The following STMP1 variants were observed in gnomAD, a reference collection of about 807,000 sequenced individuals.
STMP1 encodes the protein short transmembrane mitochondrial protein 1.
STMP1 carries 7 observed loss-of-function variants against 7.0 expected under a neutral mutation model. The ratio of observed to expected loss-of-function variants is 1.01; its 90% CI spans 0.57 to 1.89. The LOEUF (loss-of-function observed/expected upper bound fraction) is 1.89. Among genes scored for constraint, STMP1 ranks in the 40% most tolerant of loss-of-function variants. The probability of loss-of-function intolerance (pLI) is 0.00; values close to 1 mark genes in which losing one functional copy is unlikely to be tolerated. For synonymous variants in STMP1, 19 were observed against 18.4 expected, an observed-to-expected ratio of 1.03 and a Z score of -0.08; for missense variants, 45 against 53.0, an observed-to-expected ratio of 0.85 and a Z score of 0.47.
chr7:135,664,186 C>T (rs924535942), intron 1 of STMP1, among the ~76,000 whole-genome samples: 25 of 152,144 alleles, frequency 1.6e-4, no homozygotes, highest in Non-Finnish European at 7.3e-5. Flanking sequence ...AAAGCGGTAT[C>T]ACTTAGCTCC....
rs572528743 is a variant in STMP1 at position 135,674,127 on chromosome 7, A to G, written c.106A>G (p.Lys36Glu). The G allele has an allele frequency of 5.2e-5, 80 of 1,551,074 alleles. No individual in the cohort carries two copies. The South Asian group carries it at 8.2e-4, about 16-fold the overall frequency. ...GGCTAAAAAACTTGAAGAAATTAAAAAGGACTTGGATGCCAAGAAGAAACC... is the reference window on the plus strand; with the variant it reads ...GGCTAAAAAACTTGAAGAAATTAAAGAGGACTTGGATGCCAAGAAGAAACC... ...NLAKKLEEIK[K>E]DLDAKKKPPS... Residue 36 changes from lysine (K) to glutamate (E), a missense_variant, in exon 3 of 3, where the codon AAG (lysine) becomes GAG (glutamate). Physicochemically the swap from Lys to Glu is moderately conservative, Grantham distance 56 (BLOSUM62 1). Coordinates refer to ENST00000507606, the MANE Select transcript of STMP1 (RefSeq NM_001130929.2).
intron 1 of STMP1, among the ~76,000 whole-genome samples, chr7:135,667,192 C>T (rs1795303820): frequency 6.6e-6 from 1 of 152,114 alleles, no homozygotes; most frequent in South Asian, 2.1e-4. Context: ...ATCATTTGTC[C>T]ATTTTTATTT....
chr7:135,673,214 G>A (rs1362346143), intron 2 of STMP1: 3 of 193,730 alleles, frequency 1.5e-5, no homozygotes, highest in Non-Finnish European at 3.2e-5. Context: ...TGGGTAGGGG[G>A]ACTGAAAAAT....
Position 135,662,523 on chromosome 7 carries a change from C to A in STMP1, c.-57C>A. On this transcript the variant is annotated 5_prime_UTR_variant, in exon 1 of 3. Coordinates refer to ENST00000507606, the MANE Select transcript of STMP1 (RefSeq NM_001130929.2). Reference sequence around the variant, plus strand: ...CCGCGCATGGGGAGGTAGGCTCGGACCGGCCCGCGGAGCTGCTGCAGTCCT... The same window carrying A: ...CCGCGCATGGGGAGGTAGGCTCGGAACGGCCCGCGGAGCTGCTGCAGTCCT... 1.3e-6 allele frequency: 2 copies of A among 1,529,764 alleles called. No individual in the cohort carries two copies. Among genetic ancestry groups the A allele is most frequent in the South Asian group, 1.2e-5 (1 of 82,832 alleles). The allele number at this position is 1,529,764 out of a possible 1,614,324, so 94.8% of individuals were successfully genotyped here.
chr7:135,666,026 G>A (rs12535690), intron 1 of STMP1, among the ~76,000 whole-genome samples: 4,337 of 150,416 alleles, frequency 0.029, 87 homozygotes, highest in Middle Eastern at 0.1. Flanking sequence ...CTCAGCCTCC[G>A]GGTTCAAGCG....
rs3800761 is a variant in STMP1, at chr7:135,662,716, C to A, written c.15+122C>A. On this transcript the variant is annotated intron_variant, in intron 1 of 2. Transcript: ENST00000507606. ...GGCGTGGGTCCAGCGGTCCCTTCGT[C>A]CCCCGCGCCTGGTCGTCGCCTCGCA... The A allele has an allele frequency of 9.3e-6, 11 of 1,180,600 alleles. No homozygotes were observed. In the East Asian group the frequency reaches 3.0e-4, roughly 32 times the overall value. The allele number at this position is 1,180,600 out of a possible 1,614,324, so 73.1% of individuals were successfully genotyped here.
intron 1 of STMP1, among the ~76,000 whole-genome samples, chr7:135,663,374 C>T (rs1795256805): frequency 1.3e-5 from 2 of 152,062 alleles, no homozygotes; most frequent in Admixed American, 1.3e-4. Context: ...GAGACGGAGT[C>T]TCGCTGTGTC....
intron 1 of STMP1, among the ~76,000 whole-genome samples, chr7:135,672,056 T>C (rs1199239745): frequency 6.6e-6 from 1 of 152,218 alleles, no homozygotes; most frequent in Non-Finnish European, 1.5e-5. Flanking sequence ...CTCAGCTCAC[T>C]GTAACCTCTG....
intron 1 of STMP1, among the ~76,000 whole-genome samples, chr7:135,666,015 C>T (rs1268874913): frequency 6.6e-6 from 1 of 151,764 alleles, no homozygotes; most frequent in Non-Finnish European, 1.5e-5. Flanking sequence ...GATTCTCCTG[C>T]CTCAGCCTCC....
intron 1 of STMP1, among the ~76,000 whole-genome samples, chr7:135,668,975 A>G (rs1303372102): frequency 6.6e-6 from 1 of 152,244 alleles, no homozygotes. Flanking sequence ...ATGGACTTAC[A>G]GTTCCACATG....
In STMP1 at chr7:135,672,787, A is replaced by G; in HGVS notation, c.50A>G (p.Tyr17Cys). Residue 17 changes from tyrosine to cysteine, a missense_variant, in exon 2 of 3, where the codon TAT becomes TGT. Tyr to Cys is a radical substitution (Grantham distance 194, BLOSUM62 -2). Transcript: ENST00000507606. ...GFTLGNVVGMYLAQNYDIPNL... is the reference protein window; with the variant it reads ...GFTLGNVVGMCLAQNYDIPNL... ...ACACTGGGCAACGTGGTTGGAATGT[A>G]TCTGGCTCAGAACTATGATGTAAGT... is the stretch of plus-strand genomic sequence containing the variant. 6.4e-7 allele frequency: 1 copy of G among 1,551,638 alleles called. No individual in the cohort carries two copies. The highest frequency in any genetic ancestry group is 8.7e-7 in the Non-Finnish European group (1 of 1,146,952).
intron 1 of STMP1, among the ~76,000 whole-genome samples, chr7:135,664,344 A>ATTTT (rs767469164): frequency 1.7e-5 from 2 of 114,982 alleles, no homozygotes; most frequent in Non-Finnish European, 1.8e-5. Flanking sequence ...CTGTGTGTTA[A>ATTTT]TTTTTTTTTT....
chr7:135,673,099 T>C, intron 2 of STMP1: 2 of 407,486 alleles, frequency 4.9e-6, no homozygotes, highest in Non-Finnish European at 8.8e-6. Context: ...CTCTTAAAAT[T>C]CTTTGGGAAA....
Position 135,662,551 on chromosome 7 carries a change from G to T in STMP1, c.-29G>T, listed in dbSNP as rs1212012019. 11 of 1,545,512 alleles carry T rather than the reference G, an allele frequency of 7.1e-6. No homozygotes were observed. The highest frequency in any genetic ancestry group is 4.1e-5 in the African/African-American group (3 of 72,294). On this transcript the variant is annotated 5_prime_UTR_variant, in exon 1 of 3. Transcript: ENST00000507606. ...GCCCGCGGAGCTGCTGCAGTCCTTC[G>T]CGCCCTCCTCGCCCTCCCCACCGAC...
chr7:135,662,693 C>T, intron 1 of STMP1, 99 bp downstream of exon 1: 9 of 1,418,114 alleles, frequency 6.3e-6, no homozygotes, highest in Non-Finnish European at 8.6e-6. Context: ...CCGGCCTGGG[C>T]GTGGGTCCAG....
At chr7:135,664,271 T>G (rs1320295173) in intron 1 of STMP1, among the ~76,000 whole-genome samples, 1 of 152,172 alleles carries the variant, frequency 6.6e-6, no homozygotes, top group Middle Eastern at 3.2e-3. Flanking sequence ...CATGATTCAA[T>G]TACAGTTAAC....
At chr7:135,663,080 A>T (rs1471710439) in intron 1 of STMP1, among the ~76,000 whole-genome samples, 2 of 152,234 alleles carry the variant, frequency 1.3e-5, no homozygotes, top group Non-Finnish European at 2.9e-5. Context: ...CGAGAGGCTA[A>T]GTCCTCATCA....
At position 135,662,594 on chromosome 7, in the gene STMP1, G is replaced by C; in HGVS notation, c.15G>C (p.Leu5=). Residue 5 remains leucine (L), a splice_region_variant and synonymous_variant, in exon 1 of 3, where the codon CTG becomes CTC. Transcript: ENST00000507606. The part of the protein sequence containing the change: MLQF[L]LGFTLGNVVG... Reference sequence around the variant, plus strand: ...CCACCGACATCATGCTCCAGTTCCTGGTGAGTGGAGCTGCCGAAGAGCGGG... The same window carrying C: ...CCACCGACATCATGCTCCAGTTCCTCGTGAGTGGAGCTGCCGAAGAGCGGG... The C allele has an allele frequency of 6.5e-7, 1 of 1,548,152 alleles. No homozygotes were observed. Among genetic ancestry groups the C allele is most frequent in the Non-Finnish European group, 8.7e-7 (1 of 1,145,600 alleles).
chr7:135,668,998 TCAA>T (rs1795328667), intron 1 of STMP1, among the ~76,000 whole-genome samples: 1 of 152,224 alleles, frequency 6.6e-6, no homozygotes, highest in African/African-American at 2.4e-5. Flanking sequence ...TGGGGAGGCC[TCAA>T]TCATGGCAGA....
Sources: gnomAD v4.1 joint callset for allele counts (sites outside exome capture counted in the v4.1 genomes callset) on GRCh38, gnomAD v4.1.1 for gene constraint, MANE v1.5 for transcripts, NCBI Gene and HGNC (gene_info 2026-07-23, HGNC 2026-07-21) for gene names.